The following ZMAT1 variants were observed in gnomAD, a reference collection of about 807,000 sequenced individuals.
ZMAT1 encodes zinc finger matrin-type 1.
In ZMAT1, 11 loss-of-function variants were observed where a neutral mutation model predicts 18.5. The observed-to-expected ratio is 0.59, with a 90% CI of 0.37 to 0.98. ZMAT1 has a LOEUF of 0.98. ZMAT1 is among the 50% of genes least tolerant of loss of function. The pLI, the probability that ZMAT1 is intolerant of heterozygous loss-of-function variation, is 0.01. For missense variants in ZMAT1, 525 were observed against 496.2 expected, an observed-to-expected ratio of 1.06 and a Z score of -0.55; for synonymous variants, 211 against 176.4, an observed-to-expected ratio of 1.20 and a Z score of -1.55.
intron 1 of ZMAT1, among the ~76,000 whole-genome samples, chrX:101,928,428 G>A (rs1171252120): frequency 8.9e-6 from 1 of 111,891 alleles, no homozygotes; most frequent in African/African-American, 3.2e-5. Flanking sequence ...CACTATCTCC[G>A]GTCACTGCAA....
intron 1 of ZMAT1, among the ~76,000 whole-genome samples, chrX:101,924,636 G>C (rs1044689269): frequency 9.0e-6 from 1 of 111,470 alleles, no homozygotes; most frequent in Non-Finnish European, 1.9e-5. Flanking sequence ...ATGAAGTAAG[G>C]GTTTAAAAAT....
chrX:101,914,342 A>T (rs1210425119), intron 1 of ZMAT1, among the ~76,000 whole-genome samples: 1 of 111,420 alleles, frequency 9.0e-6, no homozygotes, highest in African/African-American at 3.3e-5. Context: ...GAAATAATAA[A>T]TATCAAGCAG....
At chrX:101,910,331 C>T (rs1283022514) in intron 1 of ZMAT1, among the ~76,000 whole-genome samples, 2 of 112,030 alleles carry the variant, frequency 1.8e-5, no homozygotes, top group Non-Finnish European at 3.8e-5. Context: ...ACAGTGAAGA[C>T]TACATTAAAT....
At chrX:101,898,246 G>C (rs750171320) in intron 2 of ZMAT1, 26 bp from the exon 3 acceptor site, 3 of 1,146,452 alleles carry the variant, frequency 2.6e-6, no homozygotes, top group Admixed American at 2.3e-5. Context: ...ATATGACTTT[G>C]TTTATTCAAT....
chrX:101,920,141 C>T (rs1929628640), intron 1 of ZMAT1, among the ~76,000 whole-genome samples: 1 of 108,362 alleles, frequency 9.2e-6, no homozygotes, highest in African/African-American at 3.4e-5. Context: ...CTGGGCTAAG[C>T]GATTCTCCCA....
chrX:101,898,846 C>T (rs1928013880), intron 2 of ZMAT1, among the ~76,000 whole-genome samples: 1 of 111,306 alleles, frequency 9.0e-6, no homozygotes, highest in Non-Finnish European at 1.9e-5. Flanking sequence ...GTCAGGAGTT[C>T]GAGACCAGCC....
Position 101,882,759 on chromosome X carries a change from G to C in ZMAT1, c.*751C>G, listed in dbSNP as rs1926566910. On this transcript the variant is annotated 3_prime_UTR_variant, in exon 6 of 6. Coordinates refer to ENST00000651725, the MANE Select transcript of ZMAT1 (RefSeq NM_001394560.1). ...TTTTTTCTTTTTTAAGAAAATGAAG[G>C]AAAGTAACTTGAGGAAAAGGCATAC... 1 of 110,921 alleles carries C rather than the reference G, an allele frequency of 9.0e-6. No homozygotes were observed. The highest frequency in any genetic ancestry group is 1.9e-5 in the Non-Finnish European group (1 of 52,738). The allele number at this position is 110,921 out of a possible 1,213,427, so 9.1% of individuals were successfully genotyped here.
At position 101,884,822 on chromosome X, in the gene ZMAT1, C is replaced by T. The variant is rs1218934292; in HGVS notation, c.777-1G>A. The T allele has an allele frequency of 9.3e-7, 1 of 1,072,953 alleles. No homozygotes were observed. The highest frequency in any genetic ancestry group is 2.4e-5 in the Admixed American group (1 of 41,946). 88.4% of individuals were successfully genotyped at this position (1,072,953 alleles called of 1,213,427 possible). ...CACTAGATTGATAACAATGGATTCTCTGTAAAGAAGACAGTAGAAAATTGT... is the reference window on the plus strand; with the variant it reads ...CACTAGATTGATAACAATGGATTCTTTGTAAAGAAGACAGTAGAAAATTGT... On this transcript the variant is annotated splice_acceptor_variant, in intron 5 of 5. Transcript: ENST00000651725. LOFTEE classifies it high-confidence loss of function.
At chrX:101,895,989 G>A (rs1603276127) in intron 4 of ZMAT1, 1 of 324,464 alleles carries the variant, frequency 3.1e-6, no homozygotes, top group East Asian at 2.2e-4. Flanking sequence ...CCACTCCCTG[G>A]ACTTTTTTTT....
Position 101,886,745 on chromosome X carries a change from G to T in ZMAT1, c.677-14C>A. 1.8e-6 allele frequency: 2 copies of T among 1,123,995 alleles called. No homozygotes were observed. Among genetic ancestry groups the T allele is most frequent in the South Asian group, 3.8e-5 (2 of 51,993 alleles). 92.6% of individuals were successfully genotyped at this position (1,123,995 alleles called of 1,213,427 possible). ...TCATACTAAATGCTGAAAAAACAAA[G>T]AGTTCAAGTTAAGAAGGTCAGTATA... On this transcript the variant is annotated splice_polypyrimidine_tract_variant and intron_variant, in intron 4 of 5. Coordinates refer to ENST00000651725, the MANE Select transcript of ZMAT1 (RefSeq NM_001394560.1).
At chrX:101,929,151 T>G (rs1286736243) in intron 1 of ZMAT1, among the ~76,000 whole-genome samples, 1 of 110,039 alleles carries the variant, frequency 9.1e-6, no homozygotes, top group Non-Finnish European at 1.9e-5. Context: ...CCAAGACAGA[T>G]GAAATCCTCA....
Position 101,912,209 on chromosome X carries a change from C to T in ZMAT1, c.293-7879G>A, listed in dbSNP as rs780185885. The T allele has an allele frequency of 7.4e-4, 316 of 426,092 alleles. 1 individual carries two copies. Among genetic ancestry groups the T allele is most frequent in the African/African-American group, 7.0e-3 (283 of 40,308 alleles). 35.1% of individuals were successfully genotyped at this position (426,092 alleles called of 1,213,427 possible). A position where few individuals can be genotyped will look rare whatever the true frequency, so the allele number is the denominator to read the frequency against. ...TTCACACAGCACTCCCCTCAGACAC[C>T]CTCAGAGAGTTCACACTGATGGGAA... On this transcript the variant is annotated intron_variant, in intron 1 of 5. Coordinates refer to ENST00000651725, the MANE Select transcript of ZMAT1 (RefSeq NM_001394560.1).
chrX:101,898,680 CA>C (rs1461830575), intron 2 of ZMAT1, among the ~76,000 whole-genome samples: 2 of 111,669 alleles, frequency 1.8e-5, no homozygotes, highest in African/African-American at 6.5e-5. Context: ...AATTAAGATA[CA>C]AAGGATGGAG....
chrX:101,918,476 AC>A (rs1929493445), intron 1 of ZMAT1: 2 of 107,665 alleles, frequency 1.9e-5, no homozygotes, highest in Admixed American at 2.0e-4. Flanking sequence ...ACACACACAC[AC>A]ACACACAAAA....
At chrX:101,892,084 G>A (rs1927449896) in intron 4 of ZMAT1, among the ~76,000 whole-genome samples, 1 of 110,796 alleles carries the variant, frequency 9.0e-6, no homozygotes, top group African/African-American at 3.3e-5. Context: ...GTGTAGCGGG[G>A]GAAGAGAGTC....
chrX:101,898,654 T>A (rs1384093354), intron 2 of ZMAT1, among the ~76,000 whole-genome samples: 1 of 111,687 alleles, frequency 9.0e-6, no homozygotes, highest in Non-Finnish European at 1.9e-5. Flanking sequence ...CTACCCTTCT[T>A]CCTTACTGAT....
intron 2 of ZMAT1, among the ~76,000 whole-genome samples, chrX:101,898,860 C>A (rs955184563): frequency 8.1e-5 from 9 of 111,467 alleles, no homozygotes; most frequent in African/African-American, 2.6e-4. Context: ...ACCAGCCTGA[C>A]CAACATGTGA....
intron 1 of ZMAT1, among the ~76,000 whole-genome samples, chrX:101,909,279 T>C (rs1258332339): frequency 9.0e-6 from 1 of 111,203 alleles, no homozygotes; most frequent in Non-Finnish European, 1.9e-5. Flanking sequence ...ACCCAGGAAC[T>C]ACCTTGAGGG....
intron 2 of ZMAT1, among the ~76,000 whole-genome samples, 185 bp from the exon 3 acceptor site, chrX:101,898,405 A>G (rs896664432): frequency 1.8e-5 from 2 of 112,066 alleles, no homozygotes; most frequent in African/African-American, 6.5e-5. Context: ...TTAGAAGCCA[A>G]TAACTTTTAG....
Sources: gnomAD v4.1 joint callset for allele counts (sites outside exome capture counted in the v4.1 genomes callset) on GRCh38, gnomAD v4.1.1 for gene constraint, MANE v1.5 for transcripts, NCBI Gene and HGNC (gene_info 2026-07-23, HGNC 2026-07-21) for gene names.